The following THSD4 variants were observed in gnomAD, a reference collection of about 807,000 sequenced individuals.
The protein encoded by THSD4 is thrombospondin type 1 domain containing 4.
In THSD4, 69 loss-of-function variants were observed where a neutral mutation model predicts 119.0. The ratio of observed to expected loss-of-function variants is 0.58; its 90% CI spans 0.48 to 0.71. THSD4 has a LOEUF of 0.71. THSD4 is among the 30% of genes least tolerant of loss of function. The pLI, the probability that THSD4 is intolerant of heterozygous loss-of-function variation, is 0.00. For missense variants in THSD4, 1,393 were observed against 1,391.1 expected, an observed-to-expected ratio of 1.00 and a Z score of -0.02; for synonymous variants, 524 against 540.4, an observed-to-expected ratio of 0.97 and a Z score of 0.42.
chr15:71,394,858 G>C (rs2046426594), intron 6 of THSD4, among the ~76,000 whole-genome samples: 1 of 152,134 alleles, frequency 6.6e-6, no homozygotes, highest in Non-Finnish European at 1.5e-5. Flanking sequence ...ATTAATGTGA[G>C]TCCCTCTGAC....
At chr15:71,395,271 CA>C (rs1469712963) in intron 6 of THSD4, among the ~76,000 whole-genome samples, 1 of 152,090 alleles carries the variant, frequency 6.6e-6, no homozygotes, top group African/African-American at 2.4e-5. Flanking sequence ...GCTCAGTAGC[CA>C]AGAGCCCTCT....
chr15:71,682,463 G>A (rs1015326602), intron 8 of THSD4, among the ~76,000 whole-genome samples: 6 of 151,836 alleles, frequency 4.0e-5, no homozygotes, highest in African/African-American at 7.3e-5. Context: ...CCTCCCCACC[G>A]CAGAAAGAAC....
chr15:71,471,729 G>A (rs898320085), intron 7 of THSD4, among the ~76,000 whole-genome samples: 10 of 151,452 alleles, frequency 6.6e-5, no homozygotes, highest in Admixed American at 4.0e-4. Flanking sequence ...TCTATCAAGT[G>A]GGGGTCATAA....
At chr15:71,239,780 G>GC (rs939429695) in intron 4 of THSD4, among the ~76,000 whole-genome samples, 5 of 152,168 alleles carry the variant, frequency 3.3e-5, no homozygotes, top group Non-Finnish European at 7.3e-5. Flanking sequence ...TTCCGTGGAG[G>GC]CCCCCCTGCA....
At chr15:71,546,969 T>A (rs1252460907) in intron 7 of THSD4, among the ~76,000 whole-genome samples, 1 of 152,164 alleles carries the variant, frequency 6.6e-6, no homozygotes, top group African/African-American at 2.4e-5. Flanking sequence ...CTCTCCCCGT[T>A]CCCAGCCCGG....
intron 8 of THSD4, among the ~76,000 whole-genome samples, chr15:71,664,184 G>A (rs1023858471): frequency 7.2e-5 from 11 of 151,848 alleles, no homozygotes; most frequent in East Asian, 5.8e-4. Context: ...GGGTTTCACC[G>A]TGTTAGCCAG....
chr15:71,609,687 C>T (rs1333837161), intron 7 of THSD4, among the ~76,000 whole-genome samples: 1 of 151,952 alleles, frequency 6.6e-6, no homozygotes. Flanking sequence ...CCCGTCTCTA[C>T]TAAAAATACA....
At chr15:71,496,745 AGGGAGAAG>A (rs1296434743) in intron 7 of THSD4, among the ~76,000 whole-genome samples, 1 of 152,194 alleles carries the variant, frequency 6.6e-6, no homozygotes, top group African/African-American at 2.4e-5. Flanking sequence ...TTCTGTCCTT[AGGGAGAAG>A]GGGAGAATGA....
chr15:71,506,760 C>A (rs1462107122), intron 7 of THSD4, among the ~76,000 whole-genome samples: 1 of 152,228 alleles, frequency 6.6e-6, no homozygotes, highest in Non-Finnish European at 1.5e-5. Context: ...AAGGCTACTG[C>A]CATGGCAGGA....
At chr15:71,648,915 T>C (rs2051026518) in intron 7 of THSD4, among the ~76,000 whole-genome samples, 1 of 152,226 alleles carries the variant, frequency 6.6e-6, no homozygotes, top group African/African-American at 2.4e-5. Context: ...TTGTGAATTA[T>C]ACTTTGATCC....
intron 6 of THSD4, among the ~76,000 whole-genome samples, chr15:71,305,302 TA>T (rs1449800103): frequency 2.6e-5 from 4 of 152,228 alleles, no homozygotes; most frequent in Non-Finnish European, 5.9e-5. Context: ...CCCTGCGATC[TA>T]CTCTGTAAGG....
At chr15:71,343,068 T>C (rs2045604167) in intron 6 of THSD4, among the ~76,000 whole-genome samples, 1 of 152,208 alleles carries the variant, frequency 6.6e-6, no homozygotes, top group Admixed American at 6.5e-5. Flanking sequence ...ATTTCTTCTC[T>C]GGACAAACAA....
chr15:71,451,025 G>C (rs1415576466), intron 7 of THSD4, among the ~76,000 whole-genome samples: 1 of 152,082 alleles, frequency 6.6e-6, no homozygotes. Flanking sequence ...TAAAAATGCA[G>C]AGATTGGCCA....
intron 7 of THSD4, among the ~76,000 whole-genome samples, chr15:71,572,061 A>G (rs773008061): frequency 1.3e-5 from 2 of 152,206 alleles, no homozygotes; most frequent in African/African-American, 2.4e-5. Flanking sequence ...TGTTGACAGA[A>G]AGAGAGAGAG....
intron 7 of THSD4, among the ~76,000 whole-genome samples, chr15:71,421,728 C>G (rs2046811003): frequency 6.6e-6 from 1 of 152,088 alleles, no homozygotes; most frequent in African/African-American, 2.4e-5. Flanking sequence ...TTGGGGAGTT[C>G]TCTGTTATTA....
intron 1 of THSD4, among the ~76,000 whole-genome samples, chr15:71,129,670 T>C (rs1201831454): frequency 6.6e-6 from 1 of 152,202 alleles, no homozygotes; most frequent in Non-Finnish European, 1.5e-5. Flanking sequence ...CCTTACCTAA[T>C]ACTGGCCCAT....
At chr15:71,361,300 A>G (rs1195801187) in intron 6 of THSD4, among the ~76,000 whole-genome samples, 1 of 152,160 alleles carries the variant, frequency 6.6e-6, no homozygotes, top group African/African-American at 2.4e-5. Context: ...GTCACTTTGG[A>G]TGGATTTTAA....
chr15:71,689,569 C>T (rs922549067), intron 8 of THSD4, among the ~76,000 whole-genome samples: 1 of 152,212 alleles, frequency 6.6e-6, no homozygotes, highest in African/African-American at 2.4e-5. Context: ...CCAAGTTCCT[C>T]CAGGCTTCAC....
intron 3 of THSD4, among the ~76,000 whole-genome samples, chr15:71,169,362 G>T (rs141754497): frequency 6.6e-6 from 1 of 152,316 alleles, no homozygotes; most frequent in Admixed American, 6.5e-5. Context: ...TTGAAAAACT[G>T]TCAGTGTATC....
Sources: gnomAD v4.1 joint callset for allele counts (sites outside exome capture counted in the v4.1 genomes callset) on GRCh38, gnomAD v4.1.1 for gene constraint, MANE v1.5 for transcripts, NCBI Gene and HGNC (gene_info 2026-07-23, HGNC 2026-07-21) for gene names.